The following BICC1 variants were observed in gnomAD, a reference collection of about 807,000 sequenced individuals.
BICC1 encodes BicC family RNA binding protein 1, also known as protein bicaudal C homolog 1.
In BICC1, 43 loss-of-function variants were observed where a neutral mutation model predicts 111.0. The observed-to-expected ratio is 0.39, with a 90% CI of 0.30 to 0.50. The LOEUF is 0.50. Ranked by LOEUF, BICC1 falls within the 20% of genes least tolerant of loss-of-function variation. BICC1 has a pLI of 0.88. For missense variants in BICC1, 1,091 were observed against 1,203.2 expected (o/e 0.91, Z 1.38); for synonymous variants, 467 against 434.4 (o/e 1.07, Z -0.93).
At chr10:58,746,458 G>T (rs1189552991) in intron 3 of BICC1, among the ~76,000 whole-genome samples, 1 of 152,134 alleles carries the variant, frequency 6.6e-6, no homozygotes, top group Non-Finnish European at 1.5e-5. Context: ...ACAGGGGTAA[G>T]AAAAACACCT....
intron 18 of BICC1, among the ~76,000 whole-genome samples, chr10:58,816,168 C>T (rs1469285377): frequency 1.3e-5 from 2 of 152,174 alleles, no homozygotes; most frequent in African/African-American, 2.4e-5. Context: ...GGCAGCCTTT[C>T]AGCCACTTTG....
At chr10:58,828,372 C>T (rs1400533712) in intron 20 of BICC1, among the ~76,000 whole-genome samples, 3 of 152,178 alleles carry the variant, frequency 2.0e-5, no homozygotes, top group African/African-American at 7.2e-5. Flanking sequence ...CGTCCTTTCA[C>T]GAGCTTAGCT....
At chr10:58,801,620 G>T (rs1843552089) in intron 14 of BICC1, among the ~76,000 whole-genome samples, 1 of 150,990 alleles carries the variant, frequency 6.6e-6, no homozygotes, top group Non-Finnish European at 1.5e-5. Context: ...CATGTATTTT[G>T]GACAGTCTCT....
intron 2 of BICC1, among the ~76,000 whole-genome samples, chr10:58,637,030 T>C (rs944508844): frequency 6.6e-6 from 1 of 152,056 alleles, no homozygotes; most frequent in African/African-American, 2.4e-5. Flanking sequence ...CCACACACAG[T>C]TCTATAATAT....
chr10:58,541,752 G>A (rs1232246957), intron 1 of BICC1, among the ~76,000 whole-genome samples: 2 of 151,924 alleles, frequency 1.3e-5, no homozygotes, highest in African/African-American at 4.8e-5. Context: ...AGCCAAAAAA[G>A]TCTTGAGAAA....
intron 8 of BICC1, among the ~76,000 whole-genome samples, chr10:58,791,911 C>A (rs918795449): frequency 1.3e-5 from 2 of 152,066 alleles, no homozygotes; most frequent in Admixed American, 1.3e-4. Flanking sequence ...CATGCCTCAG[C>A]CTCCCGAGTA....
At position 58,654,603 on chromosome 10, in the gene BICC1, T is replaced by A. The variant is rs966544318; in HGVS notation, c.237+33702T>A. 8.0e-3 allele frequency among the ~76,000 whole-genome samples: 711 copies of A among 88,998 alleles called. 20 individuals are homozygous for A. Among genetic ancestry groups the A allele is most frequent in the African/African-American group, 0.026 (673 of 25,514 alleles). The allele number at this position is 88,998 out of a possible 152,430, so 58.4% of individuals were successfully genotyped here. On this transcript the variant is annotated intron_variant, in intron 2 of 20. Coordinates refer to ENST00000373886, the MANE Select transcript of BICC1 (RefSeq NM_001080512.3). ...ATTAGCCCTTTGTCAGATGAGTAGG[T>A]TGCGACAATTTTCTCCCATTTTGTA...
Position 58,533,674 on chromosome 10 carries a change from A to G in BICC1, c.190+20341A>G, listed in dbSNP as rs558261499. 2.6e-5 allele frequency among the ~76,000 whole-genome samples: 4 copies of G among 151,950 alleles called. No individual in the cohort carries two copies. In the South Asian group the frequency reaches 6.2e-4, roughly 24 times the overall value. On this transcript the variant is annotated intron_variant, in intron 1 of 20. Transcript: ENST00000373886. ...TAATTACCATTATGCCTGCCTTATA[A>G]GAATTGTTAAAGGGAGTTTTTCAGG...
At chr10:58,549,164 A>G (rs568040284) in intron 1 of BICC1, among the ~76,000 whole-genome samples, 2 of 151,240 alleles carry the variant, frequency 1.3e-5, no homozygotes, top group South Asian at 4.2e-4. Context: ...TTTTTCTCCT[A>G]TGAATAGTAT....
rs553801151 is a variant in BICC1 at position 58,641,382 on chromosome 10, C to G, written c.237+20481C>G. 3.3e-5 allele frequency among the ~76,000 whole-genome samples: 5 copies of G among 152,146 alleles called. No homozygotes were observed. In the South Asian group the frequency reaches 1.0e-3, roughly 32 times the overall value. On this transcript the variant is annotated intron_variant, in intron 2 of 20. Transcript: ENST00000373886. ...GCTTCATGTTGGAATTTTTCTAGGA[C>G]TTATTGCAGATTCAGAGGCAGATGT... is the stretch of plus-strand genomic sequence containing the variant.
chr10:58,534,478 A>G (rs1159271536), intron 1 of BICC1, among the ~76,000 whole-genome samples: 3 of 151,786 alleles, frequency 2.0e-5, no homozygotes, highest in Non-Finnish European at 4.4e-5. Context: ...TATAACCAAG[A>G]AACTTATACA....
At position 58,807,137 on chromosome 10, in the gene BICC1, C is replaced by T; in HGVS notation, c.2355C>T (p.Pro785=). The T allele has an allele frequency of 6.2e-7, 1 of 1,613,490 alleles. No individual in the cohort carries two copies. The highest frequency in any genetic ancestry group is 1.1e-5 in the South Asian group (1 of 90,988). ...GGGCCAATCATGTGTCCTATAAGCC[C>T]ACAATGACAACCACTTATGAGGTTT... is the stretch of plus-strand genomic sequence containing the variant. ...LRRANHVSYK[P]TMTTTYEGSS... Residue 785 remains proline, a synonymous_variant, in exon 17 of 21, where the codon CCC becomes CCT. Coordinates refer to ENST00000373886, the MANE Select transcript of BICC1 (RefSeq NM_001080512.3).
intron 3 of BICC1, among the ~76,000 whole-genome samples, chr10:58,732,442 C>A (rs1589076110): frequency 1.0e-5 from 1 of 95,544 alleles, no homozygotes; most frequent in Non-Finnish European, 2.0e-5. Context: ...TATATATATA[C>A]TGGTCAGTGG....
chr10:58,723,989 CAGTT>C (rs533907439), intron 3 of BICC1, among the ~76,000 whole-genome samples: 36 of 152,156 alleles, frequency 2.4e-4, no homozygotes, highest in Non-Finnish European at 2.6e-4. Context: ...AAGATGGAAA[CAGTT>C]AGTGTCAACA....
chr10:58,645,431 A>G (rs1035735634), intron 2 of BICC1, among the ~76,000 whole-genome samples: 2 of 148,934 alleles, frequency 1.3e-5, no homozygotes, highest in Non-Finnish European at 3.0e-5. Context: ...AAAAAAAAAA[A>G]AAAAGAGGGA....
intron 20 of BICC1, chr10:58,823,458 T>G: frequency 2.0e-6 from 2 of 984,338 alleles, no homozygotes; most frequent in Non-Finnish European, 2.4e-6. Context: ...GTGCATCACA[T>G]TTAAAAACAT....
chr10:58,531,532 A>T (rs1302785489), intron 1 of BICC1, among the ~76,000 whole-genome samples: 1 of 151,878 alleles, frequency 6.6e-6, no homozygotes. Flanking sequence ...GCACACAAAC[A>T]GGGAAAATAT....
rs1198265244 is a variant in BICC1 at position 58,648,660 on chromosome 10, GAACGCTA to G, written c.237+27761_237+27767del. The stretch of plus-strand genomic sequence containing the variant: ...GAGGATCTCATATCTTTAGGCATCA[GAACGCTA>G]AGGTACAGAATGCCTCTACACTGTT... On this transcript the variant is annotated intron_variant, in intron 2 of 20. Transcript: ENST00000373886. The G allele has an allele frequency of 7.1e-6, 7 of 984,878 alleles. No individual in the cohort carries two copies. In the African/African-American group the frequency reaches 1.2e-4, roughly 17 times the overall value. The allele number at this position is 984,878 out of a possible 1,614,324, so 61.0% of individuals were successfully genotyped here. A position where few individuals can be genotyped will look rare whatever the true frequency, so the allele number is the denominator to read the frequency against.
intron 2 of BICC1, among the ~76,000 whole-genome samples, chr10:58,633,135 T>G (rs1228827809): frequency 6.6e-6 from 1 of 152,158 alleles, no homozygotes; most frequent in Non-Finnish European, 1.5e-5. Context: ...AGTGAATAAG[T>G]CTGGGAGATC....
Sources: gnomAD v4.1 joint callset for allele counts (sites outside exome capture counted in the v4.1 genomes callset) on GRCh38, gnomAD v4.1.1 for gene constraint, MANE v1.5 for transcripts, NCBI Gene and HGNC (gene_info 2026-07-23, HGNC 2026-07-21) for gene names.